Variants in SLC10A7 observed in about 807,000 individuals in gnomAD.
SLC10A7 encodes the protein solute carrier family 10 member 7.
A neutral mutation model predicts 43.2 loss-of-function variants in SLC10A7; 29 were observed. That is an observed-to-expected ratio of 0.67 (90% CI 0.50 to 0.92). The LOEUF is 0.92. SLC10A7 is among the 40% of genes least tolerant of loss of function. The pLI is 0.00. For missense variants in SLC10A7, 295 were observed against 403.2 expected (o/e 0.73, Z 2.30); for synonymous variants, 152 against 144.8 (o/e 1.05, Z -0.35).
intron 5 of SLC10A7, among the ~76,000 whole-genome samples, chr4:146,340,439 C>A (rs562728956): frequency 6.6e-6 from 1 of 151,536 alleles, no homozygotes; most frequent in African/African-American, 2.4e-5. Flanking sequence ...AAGACCCAGG[C>A]TCTAGCAAAA....
At chr4:146,509,555 C>T (rs558712768) in intron 3 of SLC10A7, among the ~76,000 whole-genome samples, 1 of 152,286 alleles carries the variant, frequency 6.6e-6, no homozygotes, top group Non-Finnish European at 1.5e-5. Context: ...TTAAACATTT[C>T]TAAAACACAC....
At chr4:146,273,349 T>C (rs895722785) in intron 10 of SLC10A7, among the ~76,000 whole-genome samples, 49 of 152,218 alleles carry the variant, frequency 3.2e-4, no homozygotes, top group African/African-American at 1.0e-3. Context: ...TAGGTACATC[T>C]AGAGGGCTGG....
At chr4:146,331,874 A>C (rs531923507) in intron 5 of SLC10A7, among the ~76,000 whole-genome samples, 2 of 152,300 alleles carry the variant, frequency 1.3e-5, no homozygotes, top group African/African-American at 4.8e-5. Context: ...TGGTCAACAA[A>C]TCCTAAGCAA....
At chr4:146,421,355 T>C (rs187948877) in intron 5 of SLC10A7, among the ~76,000 whole-genome samples, 28 of 152,304 alleles carry the variant, frequency 1.8e-4, no homozygotes, top group East Asian at 1.5e-3. Flanking sequence ...GTAAGACAAT[T>C]GAAAAGCTCT....
rs999787317 is a variant in SLC10A7 at position 146,447,347 on chromosome 4, G to A, written c.397-4526C>T. ...TGGTCTTGAACTCCTGGACTCAAGCGATCCTCCCATCTCAGCCTCCTAAAT... is the reference window on the plus strand; with the variant it reads ...TGGTCTTGAACTCCTGGACTCAAGCAATCCTCCCATCTCAGCCTCCTAAAT... On this transcript the variant is annotated intron_variant, in intron 4 of 11. Transcript: ENST00000335472. Among the ~76,000 whole-genome samples the A allele has an allele frequency of 3.9e-5, 6 of 152,000 alleles. No homozygotes were observed. The East Asian group carries it at 7.7e-4, about 20-fold the overall frequency.
chr4:146,264,085 G>T (rs1253659526), intron 10 of SLC10A7, among the ~76,000 whole-genome samples: 1 of 152,208 alleles, frequency 6.6e-6, no homozygotes, highest in African/African-American at 2.4e-5. Flanking sequence ...CATCTGCCAA[G>T]TAGCAACTTC....
chr4:146,256,227 T>C lies in SLC10A7; in HGVS notation c.*264A>G. 4.1e-6 allele frequency: 2 copies of C among 491,132 alleles called. No individual in the cohort carries two copies. Among genetic ancestry groups the C allele is most frequent in the Non-Finnish European group, 7.3e-6 (2 of 273,602 alleles). 30.4% of individuals were successfully genotyped at this position (491,132 alleles called of 1,614,324 possible). A position where few individuals can be genotyped will look rare whatever the true frequency, so the allele number is the denominator to read the frequency against. ...GCAGGGAAAGCATGTTTGCTTTTTG[T>C]CACTTACCATGACTGATTCCTGCAT... On this transcript the variant is annotated 3_prime_UTR_variant, in exon 12 of 12. Coordinates refer to ENST00000335472, the MANE Select transcript of SLC10A7 (RefSeq NM_001029998.6).
intron 2 of SLC10A7, chr4:146,515,255 T>C (rs1358144984): frequency 1.0e-5 from 7 of 680,736 alleles, no homozygotes; most frequent in Non-Finnish European, 1.6e-5. Flanking sequence ...ACGCCCCAAG[T>C]AAAGGACTTG....
At position 146,298,383 on chromosome 4, in the gene SLC10A7, A is replaced by G. The variant is rs147383368; in HGVS notation, c.556-4288T>C. Among the ~76,000 whole-genome samples the G allele has an allele frequency of 4.8e-3, 730 of 152,310 alleles. 2 individuals are homozygous for G. The highest frequency in any genetic ancestry group is 0.016 in the African/African-American group (678 of 41,566). ...TGTTCATATCTAATATAATGCTATA[A>G]GTGTAAAACTCTACTAGTATTAATA... is the stretch of plus-strand genomic sequence containing the variant. On this transcript the variant is annotated intron_variant, in intron 7 of 11. Transcript: ENST00000335472.
chr4:146,510,230 G>T (rs1737328162), intron 2 of SLC10A7, among the ~76,000 whole-genome samples, 181 bp from the exon 3 acceptor site: 1 of 151,690 alleles, frequency 6.6e-6, no homozygotes. Flanking sequence ...ACTCATGAAG[G>T]CTATAAAGTA....
At chr4:146,399,189 G>C (rs75504693) in intron 5 of SLC10A7, among the ~76,000 whole-genome samples, 1 of 152,110 alleles carries the variant, frequency 6.6e-6, no homozygotes, top group South Asian at 2.1e-4. Flanking sequence ...TAGTTCAAAG[G>C]TTCTGAGGAG....
chr4:146,493,590 C>A (rs1472160469), intron 4 of SLC10A7, among the ~76,000 whole-genome samples: 2 of 151,378 alleles, frequency 1.3e-5, no homozygotes, highest in African/African-American at 4.9e-5. Context: ...GGATGCTTTT[C>A]TAGGCTTTAC....
At chr4:146,447,461 T>G (rs1211323707) in intron 4 of SLC10A7, among the ~76,000 whole-genome samples, 2 of 152,142 alleles carry the variant, frequency 1.3e-5, no homozygotes, top group East Asian at 1.9e-4. Flanking sequence ...TTAGAAAATA[T>G]TTCAAAACCC....
intron 5 of SLC10A7, among the ~76,000 whole-genome samples, chr4:146,439,543 C>T (rs1194197472): frequency 6.6e-6 from 1 of 151,944 alleles, no homozygotes; most frequent in East Asian, 1.9e-4. Context: ...TCAGAGATAA[C>T]CAATTTCCTT....
At chr4:146,328,652 G>A (rs145786616) in intron 5 of SLC10A7, among the ~76,000 whole-genome samples, 1 of 152,214 alleles carries the variant, frequency 6.6e-6, no homozygotes, top group Non-Finnish European at 1.5e-5. Context: ...ACTGTCTGGA[G>A]TCCCTATCCC....
intron 4 of SLC10A7, among the ~76,000 whole-genome samples, chr4:146,463,748 C>CT (rs1242278033): frequency 6.7e-6 from 1 of 149,534 alleles, no homozygotes; most frequent in Non-Finnish European, 1.5e-5. Flanking sequence ...CTTAAAAAAA[C>CT]AAAACAAAAC....
At chr4:146,328,993 G>GA (rs1460750659) in intron 5 of SLC10A7, among the ~76,000 whole-genome samples, 2 of 152,186 alleles carry the variant, frequency 1.3e-5, no homozygotes, top group Non-Finnish European at 2.9e-5. Context: ...GCCTGAAAAA[G>GA]AATTCAACAT....
intron 7 of SLC10A7, among the ~76,000 whole-genome samples, chr4:146,302,941 C>T (rs1405271358): frequency 6.6e-6 from 1 of 152,146 alleles, no homozygotes; most frequent in African/African-American, 2.4e-5. Flanking sequence ...TCCCTCTCTT[C>T]AAGAATGAGA....
chr4:146,350,645 G>C (rs1436054168), intron 5 of SLC10A7, among the ~76,000 whole-genome samples: 7 of 118,812 alleles, frequency 5.9e-5, no homozygotes, highest in Admixed American at 4.0e-4. Context: ...TGACAGCTTT[G>C]AAGAGAGCAG....
Sources: gnomAD v4.1 joint callset for allele counts (sites outside exome capture counted in the v4.1 genomes callset) on GRCh38, gnomAD v4.1.1 for gene constraint, MANE v1.5 for transcripts, NCBI Gene and HGNC (gene_info 2026-07-23, HGNC 2026-07-21) for gene names.